CACNA2D4: variants seen among roughly 807,000 people sequenced by gnomAD.
The protein encoded by CACNA2D4 is calcium voltage-gated channel auxiliary subunit alpha2delta 4, also known as voltage-dependent calcium channel subunit alpha-2/delta-4.
Under a neutral mutation model 163.8 loss-of-function variants are expected in CACNA2D4, and 157 were observed. The observed-to-expected ratio is 0.96, with a 90% CI of 0.84 to 1.09. The LOEUF is 1.09. CACNA2D4 is among the 50% of genes least tolerant of loss of function. The pLI, the probability that CACNA2D4 is intolerant of heterozygous loss-of-function variation, is 0.00. For synonymous variants in CACNA2D4, 598 were observed against 586.9 expected, an observed-to-expected ratio of 1.02 and a Z score of -0.27; for missense variants, 1,410 against 1,479.9, an observed-to-expected ratio of 0.95 and a Z score of 0.78.
chr12:1,823,583 C>G (rs1270712692), intron 26 of CACNA2D4, among the ~76,000 whole-genome samples: 3 of 152,028 alleles, frequency 2.0e-5, no homozygotes, highest in African/African-American at 7.2e-5. Context: ...TTGGCTCCCC[C>G]AGAACAGAGC....
At chr12:1,868,996 T>G (rs1446504281) in intron 18 of CACNA2D4, among the ~76,000 whole-genome samples, 1 of 152,194 alleles carries the variant, frequency 6.6e-6, no homozygotes, top group Non-Finnish European at 1.5e-5. Context: ...TAGAAGGGAC[T>G]GGGGCATCCA....
intron 22 of CACNA2D4, 29 bp downstream of exon 22, chr12:1,855,983 G>A: frequency 1.3e-6 from 2 of 1,571,196 alleles, no homozygotes; most frequent in Non-Finnish European, 1.8e-6. Context: ...CAGAGGAAAA[G>A]CTTGCCTCAG....
chr12:1,796,362 T>C (rs2154445031), intron 35 of CACNA2D4, among the ~76,000 whole-genome samples: 1 of 152,284 alleles, frequency 6.6e-6, no homozygotes, highest in Middle Eastern at 3.4e-3. Flanking sequence ...ACCACAGCCG[T>C]GTATACTCTC....
intron 24 of CACNA2D4, among the ~76,000 whole-genome samples, chr12:1,845,097 C>T (rs573906484): frequency 4.6e-5 from 7 of 151,974 alleles, no homozygotes; most frequent in Non-Finnish European, 1.0e-4. Context: ...GGGTGGGGAG[C>T]AGACATTGCT....
At chr12:1,796,087 A>C in intron 35 of CACNA2D4, 1 of 296,648 alleles carries the variant, frequency 3.4e-6, no homozygotes, top group Non-Finnish European at 6.4e-6. Context: ...ACAGGCGTAA[A>C]TCAAGACCGT....
At chr12:1,847,785 C>T (rs1865182655) in intron 23 of CACNA2D4, among the ~76,000 whole-genome samples, 1 of 152,124 alleles carries the variant, frequency 6.6e-6, no homozygotes, top group South Asian at 2.1e-4. Context: ...TCCTCCAGCC[C>T]CTCAACTAGA....
intron 1 of CACNA2D4, among the ~76,000 whole-genome samples, chr12:1,915,661 A>G (rs2429165): frequency 6.6e-6 from 1 of 152,176 alleles, no homozygotes; most frequent in African/African-American, 2.4e-5. Flanking sequence ...TAAGGAGGCC[A>G]CACCTCACCC....
intron 6 of CACNA2D4, among the ~76,000 whole-genome samples, chr12:1,896,602 AATAAAC>A (rs1866405802): frequency 1.7e-5 from 2 of 120,046 alleles, no homozygotes; most frequent in Non-Finnish European, 3.4e-5. Flanking sequence ...AATAGCTATT[AATAAAC>A]ACACACACAC....
At chr12:1,856,306 AC>A in intron 20 of CACNA2D4, 77 bp from the exon 21 acceptor site, 3 of 1,492,552 alleles carry the variant, frequency 2.0e-6, no homozygotes, top group Non-Finnish European at 2.8e-6. Context: ...AGAAACAGCC[AC>A]CCAGTGAGTT....
intron 13 of CACNA2D4, among the ~76,000 whole-genome samples, chr12:1,881,124 G>T (rs938069503): frequency 1.3e-5 from 2 of 152,210 alleles, no homozygotes; most frequent in African/African-American, 2.4e-5. Context: ...CTAAGTCAGG[G>T]ACAGGAGAGG....
At chr12:1,794,289 TG>T (rs1393619090) in intron 37 of CACNA2D4, among the ~76,000 whole-genome samples, 2 of 152,128 alleles carry the variant, frequency 1.3e-5, no homozygotes, top group Non-Finnish European at 2.9e-5. Context: ...CTTGGGATCC[TG>T]GTTGACTTCG....
intron 26 of CACNA2D4, among the ~76,000 whole-genome samples, chr12:1,818,205 G>A (rs1222044277): frequency 4.0e-5 from 6 of 151,334 alleles, no homozygotes; most frequent in African/African-American, 9.8e-5. Context: ...GAGCGTCTCC[G>A]CCCGGCCGCC....
At chr12:1,845,744 C>T (rs1455117793) in intron 24 of CACNA2D4, among the ~76,000 whole-genome samples, 1 of 152,200 alleles carries the variant, frequency 6.6e-6, no homozygotes, top group Admixed American at 6.5e-5. Flanking sequence ...CCTGATTCCC[C>T]CAGAACCCAG....
chr12:1,914,784 G>A lies in CACNA2D4; in HGVS notation c.309+70C>T, dbSNP rs748339793. The A allele has an allele frequency of 5.6e-5, 58 of 1,028,234 alleles. No individual in the cohort carries two copies. In the East Asian group the frequency reaches 5.7e-4, roughly 10 times the overall value. The allele number at this position is 1,028,234 out of a possible 1,614,324, so 63.7% of individuals were successfully genotyped here. ...GATGCCCAAGGCCCCTCACAGCACC[G>A]GCATTTGGGGGCTTCGATGGCTGAC... On this transcript the variant is annotated intron_variant, in intron 2 of 37. Coordinates refer to ENST00000382722, the MANE Select transcript of CACNA2D4 (RefSeq NM_172364.5).
At chr12:1,797,786 T>G in intron 34 of CACNA2D4, 3 of 545,348 alleles carry the variant, frequency 5.5e-6, no homozygotes, top group Non-Finnish European at 9.9e-6. Flanking sequence ...GGGAAAGCGC[T>G]TCCTCTGGGG....
chr12:1,867,748 C>CAA (rs57165831), intron 18 of CACNA2D4, among the ~76,000 whole-genome samples: 125 of 151,704 alleles, frequency 8.2e-4, no homozygotes, highest in African/African-American at 2.5e-3. Flanking sequence ...AACTCAACAG[C>CAA]AAAAAAACCA....
At chr12:1,797,769 C>T (rs1863179352) in intron 34 of CACNA2D4, 5 of 578,824 alleles carry the variant, frequency 8.6e-6, no homozygotes, top group East Asian at 2.9e-5. Flanking sequence ...CCCTGAGCCT[C>T]GGTGGAGGGA....
In CACNA2D4 at chr12:1,878,836, G is replaced by T; in HGVS notation, c.1644+120C>A. ...TCAGCACCTGCACTTCTTGGGCAGT[G>T]ATGGAGGGGCCCCACCCCAGCTCTG... On this transcript the variant is annotated intron_variant, in intron 15 of 37. Coordinates refer to ENST00000382722, the MANE Select transcript of CACNA2D4 (RefSeq NM_172364.5). This position sits in a 1 kb window ranked among gnomAD's most constrained non-coding sequence, Gnocchi z 4.6. The T allele has an allele frequency of 1.2e-6, 1 of 834,780 alleles. No individual in the cohort carries two copies. Among genetic ancestry groups the T allele is most frequent in the Non-Finnish European group, 1.9e-6 (1 of 530,858 alleles). The allele number at this position is 834,780 out of a possible 1,614,324, so 51.7% of individuals were successfully genotyped here. A position where few individuals can be genotyped will look rare whatever the true frequency, so the allele number is the denominator to read the frequency against.
chr12:1,851,304 C>G (rs1269929530), intron 23 of CACNA2D4, among the ~76,000 whole-genome samples: 1 of 152,154 alleles, frequency 6.6e-6, no homozygotes, highest in African/African-American at 2.4e-5. Flanking sequence ...TCATGTTTTC[C>G]TTTAGTATTT....
Sources: gnomAD v4.1 joint callset for allele counts (sites outside exome capture counted in the v4.1 genomes callset) on GRCh38, gnomAD v4.1.1 for gene constraint, Gnocchi (gnomAD v3.1) non-coding constraint, MANE v1.5 for transcripts, NCBI Gene and HGNC (gene_info 2026-07-23, HGNC 2026-07-21) for gene names.